Variants in ALKBH8 observed in about 807,000 individuals in gnomAD.
ALKBH8 encodes the protein tRNA (carboxymethyluridine(34)-5-O)-methyltransferase ALKBH8.
In ALKBH8, 36 loss-of-function variants were observed where a neutral mutation model predicts 59.8. The observed-to-expected ratio is 0.60, with a 90% CI of 0.46 to 0.79. ALKBH8 has a LOEUF of 0.79. Ranked by LOEUF, ALKBH8 falls within the 30% of genes least tolerant of loss-of-function variation. ALKBH8 has a pLI of 0.00. For missense variants in ALKBH8, 768 were observed against 801.0 expected, an observed-to-expected ratio of 0.96 and a Z score of 0.50; for synonymous variants, 276 against 273.6, an observed-to-expected ratio of 1.01 and a Z score of -0.09.
intron 7 of ALKBH8, among the ~76,000 whole-genome samples, chr11:107,543,422 T>G (rs1422616381): frequency 5.3e-5 from 8 of 152,224 alleles, no homozygotes; most frequent in Admixed American, 5.2e-4. Flanking sequence ...TCCCCTAGAA[T>G]GCACAGGACA....
At chr11:107,557,779 G>A (rs1864777111) in intron 2 of ALKBH8, among the ~76,000 whole-genome samples, 1 of 152,150 alleles carries the variant, frequency 6.6e-6, no homozygotes, top group African/African-American at 2.4e-5. Flanking sequence ...AGGAAATTTT[G>A]CAGGGATGAA....
intron 7 of ALKBH8, among the ~76,000 whole-genome samples, chr11:107,542,059 C>A (rs1252896626): frequency 1.3e-5 from 2 of 151,016 alleles, no homozygotes; most frequent in Non-Finnish European, 2.9e-5. Flanking sequence ...CATGGAGAGA[C>A]AAAAGATAGA....
At chr11:107,525,368 G>A in intron 9 of ALKBH8, 73 bp downstream of exon 9, 1 of 1,376,870 alleles carries the variant, frequency 7.3e-7, no homozygotes, top group Non-Finnish European at 9.6e-7. Context: ...TCTCCTAGGT[G>A]TTGACAGGAC....
intron 5 of ALKBH8, among the ~76,000 whole-genome samples, chr11:107,552,119 A>G (rs1470414350): frequency 6.6e-6 from 1 of 152,006 alleles, no homozygotes; most frequent in Non-Finnish European, 1.5e-5. Context: ...TTTCAGATAA[A>G]AAGTTTAAAA....
chr11:107,556,970 C>A lies in ALKBH8; in HGVS notation c.163G>T (p.Gly55Cys). ...GGGAGCAGCTGGTTCCGACTCACAC[C>A]ATTACCCAAACCACCATTGGCAACA... ...LVVANGGLGNGVSRNQLLPVL... is the reference protein window; with the variant it reads ...LVVANGGLGNCVSRNQLLPVL... Residue 55 changes from glycine to cysteine, a missense_variant, in exon 3 of 12, where the codon GGT becomes TGT. By Grantham distance (159) the Gly-to-Cys change is radical. Transcript: ENST00000428149. 1 of 1,601,292 alleles carries A rather than the reference C, an allele frequency of 6.2e-7. No individual in the cohort carries two copies. The highest frequency in any genetic ancestry group is 8.5e-7 in the Non-Finnish European group (1 of 1,174,256).
chr11:107,521,719 G>A (rs551275579), intron 10 of ALKBH8, among the ~76,000 whole-genome samples: 1 of 152,096 alleles, frequency 6.6e-6, no homozygotes, highest in Non-Finnish European at 1.5e-5. Flanking sequence ...AGACAGAAAT[G>A]GGTTCAAATT....
At chr11:107,536,883 T>C (rs766023795) in intron 7 of ALKBH8, among the ~76,000 whole-genome samples, 1 of 152,166 alleles carries the variant, frequency 6.6e-6, no homozygotes, top group Non-Finnish European at 1.5e-5. Flanking sequence ...GGAATGCAAA[T>C]AGGCATAAGA....
rs185117347 is a variant in ALKBH8, at chr11:107,550,788, C to T, written c.701-965G>A. Among the ~76,000 whole-genome samples the T allele has an allele frequency of 3.6e-3, 552 of 152,244 alleles. 2 individuals are homozygous for T. Among genetic ancestry groups the T allele is most frequent in the Non-Finnish European group, 6.3e-3 (426 of 68,014 alleles). On this transcript the variant is annotated intron_variant, in intron 6 of 11. Transcript: ENST00000428149. The stretch of plus-strand genomic sequence containing the variant: ...GGCCCTAATCTTACACGTGGAAGCT[C>T]GCTCTCTCTCCATGCACATGCACAC...
Position 107,525,526 on chromosome 11 carries a change from A to G in ALKBH8, c.945T>C (p.Ser315=), listed in dbSNP as rs1205001266. ...TGCTTAAAGTTAAGTCTCCAACATCACTGGTGATAATTCCACTTTTAAGAC... is the reference window on the plus strand; with the variant it reads ...TGCTTAAAGTTAAGTCTCCAACATCGCTGGTGATAATTCCACTTTTAAGAC... ...SESLKSGIIT[S]DVGDLTLSKR... is the part of the protein sequence containing the mutation. Residue 315 remains serine (S), a synonymous_variant, in exon 9 of 12, where the codon AGT becomes AGC. Transcript: ENST00000428149. 2 of 1,536,028 alleles carry G rather than the reference A, an allele frequency of 1.3e-6. No homozygotes were observed. The highest frequency in any genetic ancestry group is 1.7e-4 in the Middle Eastern group (1 of 5,948).
rs200691466 is a variant in ALKBH8, at chr11:107,550,349, C to T, written c.701-526G>A. On this transcript the variant is annotated intron_variant, in intron 6 of 11. Coordinates refer to ENST00000428149, the MANE Select transcript of ALKBH8 (RefSeq NM_138775.3). Reference sequence around the variant, plus strand: ...AGGGTCCCTGTCCTCAAAGAGCTTACAAGCCAATGGAAAGACAGCTAGGTA... The same window carrying T: ...AGGGTCCCTGTCCTCAAAGAGCTTATAAGCCAATGGAAAGACAGCTAGGTA... Among the ~76,000 whole-genome samples, 349 of 152,324 alleles carry T rather than the reference C, an allele frequency of 2.3e-3. 2 individuals carry two copies. Among genetic ancestry groups the T allele is most frequent in the African/African-American group, 7.2e-3 (299 of 41,570 alleles).
intron 7 of ALKBH8, among the ~76,000 whole-genome samples, chr11:107,534,906 C>G (rs898126579): frequency 3.3e-5 from 5 of 152,098 alleles, no homozygotes; most frequent in African/African-American, 1.2e-4. Flanking sequence ...ACCCCTCACC[C>G]CCGCAACTTT....
intron 8 of ALKBH8, among the ~76,000 whole-genome samples, chr11:107,528,600 A>G (rs12286285): frequency 0.31 from 47,046 of 152,042 alleles, 7,583 homozygotes; most frequent in East Asian, 0.47. Flanking sequence ...TGAAGAGTAA[A>G]TCATTCTCTA....
At chr11:107,551,703 A>G in intron 6 of ALKBH8, 105 bp downstream of exon 6, 1 of 378,970 alleles carries the variant, frequency 2.6e-6, no homozygotes, top group Non-Finnish European at 4.2e-6. Flanking sequence ...TCAAAAAAAA[A>G]AAAATAATAA....
At position 107,504,117 on chromosome 11, in the gene ALKBH8, A is replaced by C. The variant is rs1260422463; in HGVS notation, c.*541T>G. 1.2e-5 allele frequency: 2 copies of C among 170,872 alleles called. No homozygotes were observed. The highest frequency in any genetic ancestry group is 1.2e-5 in the Non-Finnish European group (1 of 81,290). The allele number at this position is 170,872 out of a possible 1,614,324, so 10.6% of individuals were successfully genotyped here. ...AAAATAGTTTTTGAATGAAACTCCTACTAAGTTCTGGGTATTATCTGATTG... is the reference window on the plus strand; with the variant it reads ...AAAATAGTTTTTGAATGAAACTCCTCCTAAGTTCTGGGTATTATCTGATTG... On this transcript the variant is annotated 3_prime_UTR_variant, in exon 12 of 12. Coordinates refer to ENST00000428149, the MANE Select transcript of ALKBH8 (RefSeq NM_138775.3).
chr11:107,530,486 A>G (rs949905120), intron 8 of ALKBH8, among the ~76,000 whole-genome samples: 1 of 152,048 alleles, frequency 6.6e-6, no homozygotes, highest in Non-Finnish European at 1.5e-5. Flanking sequence ...TCTGATAAAC[A>G]TCTCAATGAT....
At chr11:107,505,985 A>G (rs1241623423) in intron 11 of ALKBH8, among the ~76,000 whole-genome samples, 1 of 152,232 alleles carries the variant, frequency 6.6e-6, no homozygotes, top group Non-Finnish European at 1.5e-5. Context: ...AGCATTTGCC[A>G]GTTTCTAAGC....
chr11:107,515,719 A>C (rs1399440582), intron 10 of ALKBH8, among the ~76,000 whole-genome samples: 1 of 152,210 alleles, frequency 6.6e-6, no homozygotes, highest in African/African-American at 2.4e-5. Context: ...TGGAAGTACA[A>C]GTAAACATAA....
intron 8 of ALKBH8, among the ~76,000 whole-genome samples, chr11:107,526,121 G>C (rs1278436186): frequency 1.3e-5 from 2 of 151,914 alleles, no homozygotes. Flanking sequence ...TAACTACCTA[G>C]GAGTCAAATT....
intron 9 of ALKBH8, among the ~76,000 whole-genome samples, chr11:107,523,110 G>T (rs1401097042): frequency 1.3e-5 from 2 of 151,764 alleles, no homozygotes; most frequent in Non-Finnish European, 2.9e-5. Flanking sequence ...CCCAGTATGG[G>T]GTATATATCC....
Sources: allele counts gnomAD v4.1 joint callset (sites outside exome capture counted in the v4.1 genomes callset), GRCh38; gene constraint gnomAD v4.1.1; transcripts MANE v1.5; gene names NCBI Gene and HGNC (gene_info 2026-07-23, HGNC 2026-07-21).